Variants in COG5 observed in about 807,000 individuals in gnomAD.
COG5 encodes component of oligomeric golgi complex 5.
A neutral mutation model predicts 110.4 loss-of-function variants in COG5; 86 were observed. The ratio of observed to expected loss-of-function variants is 0.78; its 90% CI spans 0.65 to 0.93. The LOEUF is 0.93. COG5 is among the 40% of genes least tolerant of loss of function. The probability of loss-of-function intolerance (pLI) is 0.00; values close to 1 mark genes in which losing one functional copy is unlikely to be tolerated. For missense variants in COG5, 1,077 were observed against 987.0 expected (o/e 1.09, Z -1.22); for synonymous variants, 360 against 334.6 (o/e 1.08, Z -0.83).
At position 107,203,529 on chromosome 7, in the gene COG5, G is replaced by A. The variant is rs1798513137; in HGVS notation, c.2477C>T (p.Ser826Phe). Residue 826 changes from serine (S) to phenylalanine (F), a missense_variant, in exon 22 of 22, where the codon TCT (serine) becomes TTT (phenylalanine). Physicochemically the swap from Ser to Phe is radical, Grantham distance 155. Transcript: ENST00000297135. ...IMVQLLQKAM[S>F]ALQ ...GATTTCATGTCATTACTGAAGAGCAGACATAGCCTTTTGAAGCAGCTGAAC... is the reference window on the plus strand; with the variant it reads ...GATTTCATGTCATTACTGAAGAGCAAACATAGCCTTTTGAAGCAGCTGAAC... 2 of 1,611,344 alleles carry A rather than the reference G, an allele frequency of 1.2e-6. No homozygotes were observed. Among genetic ancestry groups the A allele is most frequent in the Admixed American group, 1.7e-5 (1 of 60,004 alleles).
At chr7:107,525,713 C>T (rs1476470580) in intron 6 of COG5, among the ~76,000 whole-genome samples, 1 of 152,036 alleles carries the variant, frequency 6.6e-6, no homozygotes, top group Non-Finnish European at 1.5e-5. Flanking sequence ...CTATGATGCT[C>T]AACTTTTATT....
chr7:107,275,434 A>G (rs1354816265), intron 14 of COG5, among the ~76,000 whole-genome samples: 2 of 151,720 alleles, frequency 1.3e-5, no homozygotes, highest in Non-Finnish European at 2.9e-5. Context: ...CTTCCAAGTG[A>G]TTTCATATTG....
At chr7:107,403,266 G>A (rs1310009612) in intron 7 of COG5, among the ~76,000 whole-genome samples, 1 of 152,044 alleles carries the variant, frequency 6.6e-6, no homozygotes, top group Non-Finnish European at 1.5e-5. Context: ...CCATAGACTG[G>A]GCTTATAAAC....
At position 107,290,176 on chromosome 7, in the gene COG5, C is replaced by T. The variant is rs111267676; in HGVS notation, c.1314-6444G>A. Among the ~76,000 whole-genome samples, 10 of 152,280 alleles carry T rather than the reference C, an allele frequency of 6.6e-5. 3 individuals carry two copies. Among genetic ancestry groups the T allele is most frequent in the African/African-American group, 2.4e-4 (10 of 41,554 alleles). ...ATGTAACATGTGGATTCAGTGAGTG[C>T]TAATCAAAGCCTCACAAGAATGTGA... On this transcript the variant is annotated intron_variant, in intron 12 of 21. Coordinates refer to ENST00000297135, the MANE Select transcript of COG5 (RefSeq NM_006348.5).
chr7:107,206,967 TA>T (rs1385567214), intron 21 of COG5, among the ~76,000 whole-genome samples: 1 of 151,518 alleles, frequency 6.6e-6, no homozygotes, highest in Non-Finnish European at 1.5e-5. Flanking sequence ...ATAAGTAGAT[TA>T]TTGAGGTTAT....
rs146853484 is a variant in COG5 at position 107,390,453 on chromosome 7, T to C, written c.670-17693A>G. 2.8e-4 allele frequency among the ~76,000 whole-genome samples: 43 copies of C among 152,196 alleles called. No individual in the cohort carries two copies. The East Asian group carries it at 7.9e-3, about 28-fold the overall frequency. On this transcript the variant is annotated intron_variant, in intron 7 of 21. Transcript: ENST00000297135. ...ACTAACATTCTGATAGCAATTAAACTGAAACTAGTAGCATAAACATAATCT... is the reference window on the plus strand; with the variant it reads ...ACTAACATTCTGATAGCAATTAAACCGAAACTAGTAGCATAAACATAATCT...
intron 10 of COG5, among the ~76,000 whole-genome samples, chr7:107,342,447 G>A (rs1388607451): frequency 1.3e-5 from 2 of 151,726 alleles, no homozygotes; most frequent in Non-Finnish European, 2.9e-5. Flanking sequence ...GGAGGCTGAG[G>A]CAGGCGGATC....
chr7:107,228,905 T>C (rs1377282899), intron 19 of COG5, among the ~76,000 whole-genome samples: 2 of 152,204 alleles, frequency 1.3e-5, no homozygotes, highest in Non-Finnish European at 2.9e-5. Flanking sequence ...CAAAGCTTGA[T>C]GACAGAAGAG....
chr7:107,420,023 C>A (rs1793167964), intron 6 of COG5, among the ~76,000 whole-genome samples: 1 of 152,164 alleles, frequency 6.6e-6, no homozygotes, highest in Non-Finnish European at 1.5e-5. Context: ...TAAATATTCA[C>A]TGAAACATCT....
At chr7:107,384,400 G>A (rs968643630) in intron 7 of COG5, among the ~76,000 whole-genome samples, 14 of 152,108 alleles carry the variant, frequency 9.2e-5, no homozygotes, top group African/African-American at 1.9e-4. Context: ...GAAGTTCACC[G>A]CCTTTGCAGC....
chr7:107,222,556 G>C (rs1189295861), intron 19 of COG5, among the ~76,000 whole-genome samples: 1 of 152,140 alleles, frequency 6.6e-6, no homozygotes, highest in Non-Finnish European at 1.5e-5. Context: ...AGCAAAACTA[G>C]ATTTGACTCT....
intron 10 of COG5, among the ~76,000 whole-genome samples, chr7:107,344,405 T>C (rs1470664911): frequency 6.6e-6 from 1 of 152,210 alleles, no homozygotes; most frequent in Non-Finnish European, 1.5e-5. Context: ...CTTCACAGAA[T>C]TTAAGAATTA....
rs556265466 is a variant in COG5, at chr7:107,383,229, C to G, written c.670-10469G>C. 2.0e-5 allele frequency among the ~76,000 whole-genome samples: 3 copies of G among 152,268 alleles called. No homozygotes were observed. The East Asian group carries it at 5.8e-4, about 29-fold the overall frequency. ...TACACAGTTTCACCTTAGCATTCAGCTTAATGATAAGGAGTCCATGCAACC... is the reference window on the plus strand; with the variant it reads ...TACACAGTTTCACCTTAGCATTCAGGTTAATGATAAGGAGTCCATGCAACC... On this transcript the variant is annotated intron_variant, in intron 7 of 21. Transcript: ENST00000297135.
intron 6 of COG5, among the ~76,000 whole-genome samples, chr7:107,414,884 C>T (rs1370247775): frequency 2.6e-5 from 4 of 151,578 alleles, no homozygotes; most frequent in African/African-American, 9.7e-5. Context: ...CACGTCACGA[C>T]GCCTGGCTAA....
At chr7:107,262,552 A>G (rs1428715846) in intron 14 of COG5, among the ~76,000 whole-genome samples, 2 of 152,166 alleles carry the variant, frequency 1.3e-5, no homozygotes, top group Non-Finnish European at 2.9e-5. Context: ...GAGTGTGAGA[A>G]GCTGAATGAG....
At chr7:107,406,731 T>C (rs77393618) in intron 7 of COG5, among the ~76,000 whole-genome samples, 2,608 of 152,274 alleles carry the variant, frequency 0.017, 33 homozygotes, top group Non-Finnish European at 0.026. Flanking sequence ...TTCAAAAACG[T>C]TGGTACTGTT....
At chr7:107,260,475 G>A (rs546850962) in intron 14 of COG5, among the ~76,000 whole-genome samples, 111 of 152,208 alleles carry the variant, frequency 7.3e-4, no homozygotes, top group African/African-American at 2.5e-3. Context: ...GTGATGAAAT[G>A]TTTTAAAATT....
chr7:107,208,842 G>C, intron 21 of COG5: 1 of 985,474 alleles, frequency 1.0e-6, no homozygotes, highest in East Asian at 1.1e-4. Context: ...AAAGCTGACA[G>C]GCTGATGGTT....
intron 7 of COG5, 138 bp from the exon 8 acceptor site, chr7:107,372,898 C>T (rs934036589): frequency 1.9e-5 from 14 of 742,926 alleles, no homozygotes; most frequent in Non-Finnish European, 2.8e-5. Flanking sequence ...TTATCAAAGA[C>T]AAGAAAAAAC....
Sources: gnomAD v4.1 joint callset for allele counts (sites outside exome capture counted in the v4.1 genomes callset) on GRCh38, gnomAD v4.1.1 for gene constraint, MANE v1.5 for transcripts, NCBI Gene and HGNC (gene_info 2026-07-23, HGNC 2026-07-21) for gene names.